Variants in GAS7 observed in about 807,000 individuals in gnomAD.
GAS7 encodes growth arrest specific 7.
Under a neutral mutation model 71.1 loss-of-function variants are expected in GAS7, and 28 were observed. That is an observed-to-expected ratio of 0.39 (90% CI 0.29 to 0.54). The LOEUF (loss-of-function observed/expected upper bound fraction) is 0.54. Ranked by LOEUF, GAS7 falls within the 20% of genes least tolerant of loss-of-function variation. The pLI is 0.62. For synonymous variants in GAS7, 258 were observed against 245.8 expected (o/e 1.05, Z -0.46); for missense variants, 436 against 627.8 (o/e 0.69, Z 3.27).
intron 1 of GAS7, among the ~76,000 whole-genome samples, chr17:10,139,445 A>T (rs1219393808): frequency 2.0e-4 from 30 of 152,250 alleles, no homozygotes; most frequent in Non-Finnish European, 4.4e-5. Context: ...TCCCAGGTCC[A>T]GGAGCAAAGT....
At chr17:10,112,918 T>A (rs2073827866) in intron 1 of GAS7, among the ~76,000 whole-genome samples, 2 of 151,770 alleles carry the variant, frequency 1.3e-5, no homozygotes, top group Non-Finnish European at 2.9e-5. Context: ...AAAATTCAAG[T>A]GTTGCAAAGG....
intron 5 of GAS7, among the ~76,000 whole-genome samples, chr17:9,958,395 C>A (rs542460501): frequency 6.6e-6 from 1 of 152,224 alleles, no homozygotes; most frequent in Non-Finnish European, 1.5e-5. Context: ...GCAGCCTGGA[C>A]GAAGCAGGGA....
chr17:10,182,026 A>G (rs959315459), intron 1 of GAS7, among the ~76,000 whole-genome samples: 1 of 152,224 alleles, frequency 6.6e-6, no homozygotes, highest in African/African-American at 2.4e-5. Flanking sequence ...CTCAGTTCCC[A>G]GAGCTCCCTA....
intron 1 of GAS7, among the ~76,000 whole-genome samples, chr17:10,182,804 A>G (rs1257714122): frequency 2.6e-5 from 4 of 152,134 alleles, no homozygotes; most frequent in East Asian, 3.8e-4. Context: ...TTAAAAAGAG[A>G]TTTTCCATCC....
intron 2 of GAS7, among the ~76,000 whole-genome samples, chr17:9,999,334 A>G (rs2071169988): frequency 6.6e-6 from 1 of 152,176 alleles, no homozygotes; most frequent in South Asian, 2.1e-4. Context: ...CCTGGCCAAC[A>G]TGGTGAAACC....
At chr17:10,153,373 C>T (rs1197957127) in intron 1 of GAS7, among the ~76,000 whole-genome samples, 1 of 151,578 alleles carries the variant, frequency 6.6e-6, no homozygotes, top group Non-Finnish European at 1.5e-5. Flanking sequence ...AAAAATTAGC[C>T]GGGTGTGGTG....
At chr17:10,162,109 C>T (rs2074261461) in intron 1 of GAS7, among the ~76,000 whole-genome samples, 1 of 150,490 alleles carries the variant, frequency 6.6e-6, no homozygotes, top group African/African-American at 2.4e-5. Flanking sequence ...AGAATGCTGG[C>T]AGAACCCTTC....
intron 1 of GAS7, among the ~76,000 whole-genome samples, chr17:10,021,996 G>A (rs954543524): frequency 1.5e-4 from 23 of 152,286 alleles, no homozygotes; most frequent in Middle Eastern, 3.4e-3. Flanking sequence ...AATGTCTCAC[G>A]CTTGTAATCC....
chr17:10,040,190 A>G (rs1284911860), intron 1 of GAS7, among the ~76,000 whole-genome samples: 1 of 152,236 alleles, frequency 6.6e-6, no homozygotes, highest in East Asian at 1.9e-4. Flanking sequence ...GGCTCCTGCG[A>G]GAGATTGGGC....
chr17:9,984,818 C>T (rs956031388), intron 2 of GAS7, among the ~76,000 whole-genome samples: 1 of 152,214 alleles, frequency 6.6e-6, no homozygotes, highest in African/African-American at 2.4e-5. Context: ...AACAGACAGA[C>T]AAGCCCGGTG....
intron 2 of GAS7, among the ~76,000 whole-genome samples, chr17:9,996,892 G>A (rs941616228): frequency 6.6e-6 from 1 of 150,854 alleles, no homozygotes; most frequent in African/African-American, 2.5e-5. Flanking sequence ...TGCCCACCTC[G>A]GCCTCCCAAA....
At position 9,914,627 on chromosome 17, in the gene GAS7, G is replaced by A. The variant is rs74706828; in HGVS notation, c.*2601C>T. The A allele has an allele frequency of 0.033, 7,063 of 212,576 alleles. 169 individuals carry two copies. The highest frequency in any genetic ancestry group is 0.072 in the East Asian group (1,024 of 14,244). The allele number at this position is 212,576 out of a possible 1,614,324, so 13.2% of individuals were successfully genotyped here. On this transcript the variant is annotated 3_prime_UTR_variant, in exon 14 of 14. Transcript: ENST00000432992. ...GTGACCAGGTGATTAAAATCTTGTT[G>A]CTGTCTACCTTCCATCCAACAGGTA...
intron 9 of GAS7, among the ~76,000 whole-genome samples, chr17:9,927,180 G>GGCTCAC (rs145533685): frequency 7.3e-5 from 11 of 151,254 alleles, no homozygotes; most frequent in Non-Finnish European, 1.3e-4. Flanking sequence ...TGGGCACGGT[G>GGCTCAC]GCTCATGCCT....
chr17:10,173,085 C>T (rs2074347218), intron 1 of GAS7, among the ~76,000 whole-genome samples: 1 of 152,178 alleles, frequency 6.6e-6, no homozygotes, highest in Non-Finnish European at 1.5e-5. Context: ...ATACGAAGTC[C>T]ACCCATTCTG....
At chr17:9,936,190 C>G (rs1453847910) in intron 8 of GAS7, among the ~76,000 whole-genome samples, 1 of 152,194 alleles carries the variant, frequency 6.6e-6, no homozygotes, top group African/African-American at 2.4e-5. Flanking sequence ...CTATTTGAAG[C>G]ATACCAAGGT....
At chr17:9,944,195 C>T (rs567626623) in intron 6 of GAS7, among the ~76,000 whole-genome samples, 2 of 152,228 alleles carry the variant, frequency 1.3e-5, no homozygotes, top group Non-Finnish European at 2.9e-5. Flanking sequence ...CACACATCTG[C>T]CCGCACGGCC....
chr17:10,074,692 A>G (rs2073373245), intron 1 of GAS7, among the ~76,000 whole-genome samples: 2 of 152,214 alleles, frequency 1.3e-5, no homozygotes, highest in Admixed American at 6.5e-5. Flanking sequence ...GTGTGGTTTT[A>G]CTGATAAGTT....
At chr17:10,111,905 A>G (rs774304718) in intron 1 of GAS7, among the ~76,000 whole-genome samples, 1 of 152,106 alleles carries the variant, frequency 6.6e-6, no homozygotes, top group Non-Finnish European at 1.5e-5. Context: ...TTAGACTCTT[A>G]TTTTCATGCT....
chr17:10,114,163 A>G (rs886368337), intron 1 of GAS7, among the ~76,000 whole-genome samples: 1 of 152,090 alleles, frequency 6.6e-6, no homozygotes, highest in African/African-American at 2.4e-5. Context: ...CCTGGGCTCA[A>G]GAAATCCTCC....
Sources: gnomAD v4.1 joint callset for allele counts (sites outside exome capture counted in the v4.1 genomes callset) on GRCh38, gnomAD v4.1.1 for gene constraint, MANE v1.5 for transcripts, NCBI Gene and HGNC (gene_info 2026-07-23, HGNC 2026-07-21) for gene names.